The following PTPRD variants were observed in gnomAD, a reference collection of about 807,000 sequenced individuals.
The protein encoded by PTPRD is protein tyrosine phosphatase receptor type D.
A neutral mutation model predicts 214.5 loss-of-function variants in PTPRD; 34 were observed. The observed-to-expected ratio is 0.16, with a 90% confidence interval of 0.12 to 0.21. PTPRD has a LOEUF of 0.21. Among genes scored for constraint, PTPRD ranks in the 10% least tolerant of loss-of-function variants. PTPRD has a pLI of 1.00. For missense variants in PTPRD, 2,545 were observed against 2,398.7 expected, an observed-to-expected ratio of 1.06 and a Z score of -1.27; for synonymous variants, 1,128 against 845.7, an observed-to-expected ratio of 1.33 and a Z score of -5.79.
intron 11 of PTPRD, among the ~76,000 whole-genome samples, chr9:8,887,146 G>A (rs1326102657): frequency 6.6e-6 from 1 of 152,008 alleles, no homozygotes; most frequent in Non-Finnish European, 1.5e-5. Context: ...TACATATAAG[G>A]CAAAAGTGGC....
intron 4 of PTPRD, among the ~76,000 whole-genome samples, chr9:9,981,159 T>C (rs1015412280): frequency 6.6e-6 from 1 of 152,138 alleles, no homozygotes; most frequent in Non-Finnish European, 1.5e-5. Context: ...ATTTTACTTA[T>C]TGGCATAAAT....
At chr9:9,152,238 T>C (rs985838469) in intron 10 of PTPRD, among the ~76,000 whole-genome samples, 2 of 152,200 alleles carry the variant, frequency 1.3e-5, no homozygotes, top group East Asian at 3.9e-4. Flanking sequence ...GCATTTTTCA[T>C]AGGCATCTGA....
At chr9:9,621,874 T>G (rs1362053491) in intron 7 of PTPRD, among the ~76,000 whole-genome samples, 3 of 152,032 alleles carry the variant, frequency 2.0e-5, no homozygotes. Context: ...TTTATTTAGG[T>G]TTGTTTTATT....
Position 9,077,970 on chromosome 9 carries a change from A to C in PTPRD, c.-142-59235T>G, listed in dbSNP as rs141993882. On this transcript the variant is annotated intron_variant, in intron 10 of 45. Transcript: ENST00000381196. Reference sequence around the variant, plus strand: ...GACCATAGCCTAGAAATAAGAGTGAATAAGAAAAAGGAAAAAGTTTACGCT... The same window carrying C: ...GACCATAGCCTAGAAATAAGAGTGACTAAGAAAAAGGAAAAAGTTTACGCT... Among the ~76,000 whole-genome samples the C allele has an allele frequency of 3.6e-3, 552 of 152,208 alleles. 4 individuals carry two copies. Among genetic ancestry groups the C allele is most frequent in the African/African-American group, 0.013 (532 of 41,534 alleles).
Position 8,778,714 on chromosome 9 carries a change from GA to G in PTPRD, c.-103-44769del, listed in dbSNP as rs576253622. Reference sequence around the variant, plus strand: ...TCTGCTTAGAAAGATCAGTAATACTGAAACTAGGAGGCCATGGAGTGTTTCC... The same window carrying G: ...TCTGCTTAGAAAGATCAGTAATACTGAACTAGGAGGCCATGGAGTGTTTCC... On this transcript the variant is annotated intron_variant, in intron 11 of 45. Transcript: ENST00000381196. Among the ~76,000 whole-genome samples, 19 of 152,252 alleles carry G rather than the reference GA, an allele frequency of 1.2e-4. No homozygotes were observed. The South Asian group carries it at 3.9e-3, about 32-fold the overall frequency.
Position 8,340,430 on chromosome 9 carries a change from T to C in PTPRD, c.5166A>G (p.Ala1722=), listed in dbSNP as rs756198808. ...KAYIATQGPL[A]ETTEDFWRML... is the part of the protein sequence containing the mutation. ...TCCGCCAGAAGTCTTCAGTGGTCTCTGCCAAGGGCCCCTGGGTAGCGATGT... is the reference window on the plus strand; with the variant it reads ...TCCGCCAGAAGTCTTCAGTGGTCTCCGCCAAGGGCCCCTGGGTAGCGATGT... Residue 1722 remains alanine, a synonymous_variant, in exon 42 of 46, where the codon GCA becomes GCG. Coordinates refer to ENST00000381196, the MANE Select transcript of PTPRD (RefSeq NM_002839.4). 1.9e-6 allele frequency: 3 copies of C among 1,608,456 alleles called. No individual in the cohort carries two copies. Among genetic ancestry groups the C allele is most frequent in the Admixed American group, 3.3e-5 (2 of 59,836 alleles).
intron 7 of PTPRD, among the ~76,000 whole-genome samples, chr9:9,675,330 T>A (rs865812436): frequency 6.6e-6 from 1 of 151,796 alleles, no homozygotes; most frequent in African/African-American, 2.4e-5. Flanking sequence ...AATAAAAATA[T>A]GAAGAATGCC....
intron 3 of PTPRD, among the ~76,000 whole-genome samples, chr9:10,282,318 T>C (rs371619520): frequency 6.6e-6 from 1 of 152,186 alleles, no homozygotes; most frequent in Non-Finnish European, 1.5e-5. Flanking sequence ...TGAGAATGAA[T>C]GTTAATTGTT....
At chr9:10,581,686 G>T (rs552507911) in intron 2 of PTPRD, among the ~76,000 whole-genome samples, 41 of 152,262 alleles carry the variant, frequency 2.7e-4, no homozygotes, top group African/African-American at 9.6e-4. Flanking sequence ...CTCGCTTGCT[G>T]TGTTAATTGG....
intron 8 of PTPRD, among the ~76,000 whole-genome samples, chr9:9,520,405 T>G (rs1257720229): frequency 6.6e-6 from 1 of 151,600 alleles, no homozygotes; most frequent in East Asian, 1.9e-4. Flanking sequence ...TGCTCAAGTA[T>G]AGTACATGAA....
intron 11 of PTPRD, among the ~76,000 whole-genome samples, chr9:8,853,914 C>T (rs1303230467): frequency 6.6e-6 from 1 of 152,100 alleles, no homozygotes; most frequent in Non-Finnish European, 1.5e-5. Flanking sequence ...GTAAATAACT[C>T]CATAAAACCA....
chr9:9,646,950 G>A lies in PTPRD; in HGVS notation c.-286-72169C>T, dbSNP rs201654046. Among the ~76,000 whole-genome samples the A allele has an allele frequency of 5.4e-4, 82 of 152,306 alleles. No homozygotes were observed. The East Asian group carries it at 0.015, about 27-fold the overall frequency. On this transcript the variant is annotated intron_variant, in intron 7 of 45. Transcript: ENST00000381196. The stretch of plus-strand genomic sequence containing the variant: ...CTATGGAAAGCAAAACTGTGGATAA[G>A]CTGGGGAGGTGCAGGGGGCTCATAT...
intron 10 of PTPRD, among the ~76,000 whole-genome samples, chr9:9,086,003 A>G (rs2099766550): frequency 6.6e-6 from 1 of 152,208 alleles, no homozygotes; most frequent in Non-Finnish European, 1.5e-5. Flanking sequence ...AAGTGAATAC[A>G]TATGCAACTT....
intron 3 of PTPRD, among the ~76,000 whole-genome samples, chr9:10,257,460 C>T (rs989320499): frequency 2.6e-5 from 4 of 152,110 alleles, no homozygotes; most frequent in Non-Finnish European, 5.9e-5. Flanking sequence ...GAGAAAAATT[C>T]ATAGCCAGGA....
chr9:9,655,905 G>A (rs561529910), intron 7 of PTPRD, among the ~76,000 whole-genome samples: 1 of 152,166 alleles, frequency 6.6e-6, no homozygotes, highest in East Asian at 1.9e-4. Flanking sequence ...TTAAACCCAG[G>A]AGACGGAGGT....
intron 9 of PTPRD, among the ~76,000 whole-genome samples, chr9:9,305,841 T>C (rs1160253867): frequency 6.6e-6 from 1 of 152,122 alleles, no homozygotes; most frequent in East Asian, 1.9e-4. Flanking sequence ...GTGAGGCAGC[T>C]GCAAGACAAG....
chr9:8,848,313 C>CTCTTTTT (rs1338928285), intron 11 of PTPRD, among the ~76,000 whole-genome samples: 10 of 132,668 alleles, frequency 7.5e-5, no homozygotes, highest in African/African-American at 2.2e-4. Context: ...AAGATTTTTC[C>CTCTTTTT]TTTTTTTTTT....
At chr9:9,565,408 T>C (rs1591716710) in intron 8 of PTPRD, among the ~76,000 whole-genome samples, 1 of 151,922 alleles carries the variant, frequency 6.6e-6, no homozygotes, top group African/African-American at 2.4e-5. Context: ...TATTGAATGA[T>C]GTAATCTAAA....
intron 5 of PTPRD, among the ~76,000 whole-genome samples, chr9:9,897,929 G>A (rs1407314364): frequency 6.6e-6 from 1 of 151,610 alleles, no homozygotes; most frequent in East Asian, 1.9e-4. Context: ...ACCTTTGACG[G>A]CAGTGTAAAA....
Sources: gnomAD v4.1 joint callset for allele counts (sites outside exome capture counted in the v4.1 genomes callset) on GRCh38, gnomAD v4.1.1 for gene constraint, MANE v1.5 for transcripts, NCBI Gene and HGNC (gene_info 2026-07-23, HGNC 2026-07-21) for gene names.